Variants in LAMB4 observed in about 807,000 individuals in gnomAD.
LAMB4 encodes laminin subunit beta 4, also known as laminin subunit beta-4.
LAMB4 carries 196 observed loss-of-function variants against 199.2 expected under a neutral mutation model. That is an observed-to-expected ratio of 0.98 (90% CI 0.88 to 1.11). The LOEUF (loss-of-function observed/expected upper bound fraction) is 1.11. LAMB4 is among the 50% of genes least tolerant of loss of function. The pLI is 0.00. For missense variants in LAMB4, 2,080 were observed against 2,171.2 expected (o/e 0.96, Z 0.83); for synonymous variants, 744 against 770.6 (o/e 0.97, Z 0.57).
chr7:108,063,922 C>A lies in LAMB4; in HGVS notation c.2900G>T (p.Cys967Phe). 2 of 1,614,130 alleles carry A rather than the reference C, an allele frequency of 1.2e-6. No homozygotes were observed. Among genetic ancestry groups the A allele is most frequent in the Non-Finnish European group, 1.7e-6 (2 of 1,180,024 alleles). ...GTTGTTGTTGCAGGCACATGGTTGG[C>A]AAGGTGCTCCTGAAATTCTTGGATT... ...YGNPRISGAP[C>F]QPCACNNNID... is the part of the protein sequence containing the mutation. Residue 967 changes from cysteine to phenylalanine, a missense_variant, in exon 22 of 34, where the codon TGC becomes TTC. Physicochemically the swap from Cys to Phe is radical, Grantham distance 205. Transcript: ENST00000388781.
At chr7:108,060,547 A>G (rs2036126545) in intron 23 of LAMB4, among the ~76,000 whole-genome samples, 1 of 152,240 alleles carries the variant, frequency 6.6e-6, no homozygotes, top group Non-Finnish European at 1.5e-5. Flanking sequence ...ACTGGGGCAG[A>G]GAATACATAA....
At chr7:108,113,673 C>T (rs375617430) in intron 3 of LAMB4, among the ~76,000 whole-genome samples, 2 of 152,202 alleles carry the variant, frequency 1.3e-5, no homozygotes, top group East Asian at 3.9e-4. Context: ...GGCTTGTGGA[C>T]CATTTTTTGG....
At position 108,098,548 on chromosome 7, in the gene LAMB4, A is replaced by C. The variant is rs758037467; in HGVS notation, c.1215T>G (p.Gly405=). 4.3e-6 allele frequency: 7 copies of C among 1,612,608 alleles called. No homozygotes were observed. The Admixed American group carries it at 1.2e-4, about 27-fold the overall frequency. The part of the protein sequence containing the change: ...CECDPDGTIS[G]GICVSHSDPA... ...GATCAGAGTGGCTCACACAAATGCC[A>C]CCAGATATGGTCCCATCGGGGTCAC... The change falls in exon 11 of 34, where the codon GGT becomes GGG. Residue 405 remains glycine, a synonymous_variant. Coordinates refer to ENST00000388781, the MANE Select transcript of LAMB4 (RefSeq NM_007356.3).
In LAMB4 at chr7:108,109,257, C is replaced by A; in HGVS notation, c.329-13G>T. ...ACATGATCAAGACCTAAGGAAGAAT[C>A]CAGAAAGAAGAAAATCAGTGATTTT... On this transcript the variant is annotated splice_polypyrimidine_tract_variant and intron_variant, in intron 4 of 33. Coordinates refer to ENST00000388781, the MANE Select transcript of LAMB4 (RefSeq NM_007356.3). The A allele has an allele frequency of 6.3e-7, 1 of 1,597,590 alleles. No individual in the cohort carries two copies. Among genetic ancestry groups the A allele is most frequent in the Non-Finnish European group, 8.6e-7 (1 of 1,166,682 alleles).
intron 1 of LAMB4, among the ~76,000 whole-genome samples, chr7:108,129,670 T>C (rs542433816): frequency 6.6e-6 from 1 of 152,136 alleles, no homozygotes; most frequent in South Asian, 2.1e-4. Flanking sequence ...CCTGAGTAGC[T>C]GGGATTACAG....
At chr7:108,069,443 A>C (rs892318321) in intron 18 of LAMB4, among the ~76,000 whole-genome samples, 1 of 152,216 alleles carries the variant, frequency 6.6e-6, no homozygotes, top group African/African-American at 2.4e-5. Flanking sequence ...AGTTCCTTCC[A>C]GCCCTAGAAT....
chr7:108,066,311 A>C, intron 20 of LAMB4, 58 bp downstream of exon 20: 14 of 1,233,490 alleles, frequency 1.1e-5, no homozygotes, highest in Non-Finnish European at 1.4e-5. Context: ...GATCTCTATT[A>C]GGAGATTGGA....
intron 14 of LAMB4, among the ~76,000 whole-genome samples, chr7:108,081,959 T>G (rs2036959865): frequency 6.6e-6 from 1 of 152,198 alleles, no homozygotes; most frequent in East Asian, 1.9e-4. Context: ...CTTGGGGGCA[T>G]GTTTAAAGAG....
intron 14 of LAMB4, among the ~76,000 whole-genome samples, chr7:108,089,471 G>T (rs1040804651): frequency 6.6e-6 from 1 of 152,160 alleles, no homozygotes; most frequent in African/African-American, 2.4e-5. Flanking sequence ...TCATGGCTTA[G>T]AAATCCTAAT....
intron 12 of LAMB4, among the ~76,000 whole-genome samples, chr7:108,093,383 A>G (rs561478125): frequency 6.6e-6 from 1 of 152,360 alleles, no homozygotes; most frequent in Admixed American, 6.5e-5. Context: ...GCTTTTAAAA[A>G]AACTGATAGG....
At chr7:108,070,512 C>T (rs181765908) in intron 17 of LAMB4, among the ~76,000 whole-genome samples, 4 of 152,344 alleles carry the variant, frequency 2.6e-5, no homozygotes, top group Admixed American at 2.0e-4. Context: ...TCTTCCTCCT[C>T]CTCCTCAGCC....
the LAMB4 span, among the ~76,000 whole-genome samples, chr7:108,017,732 A>G: frequency 6.6e-6 from 1 of 152,234 alleles, no homozygotes; most frequent in Admixed American, 6.5e-5. Flanking sequence ...ACAATTTTAA[A>G]GTAGGCAGGA....
intron 14 of LAMB4, among the ~76,000 whole-genome samples, chr7:108,090,004 C>T (rs1027266527): frequency 6.6e-6 from 1 of 152,138 alleles, no homozygotes; most frequent in Non-Finnish European, 1.5e-5. Context: ...GGGTTTCAAT[C>T]CAGTCTCCCC....
intron 3 of LAMB4, among the ~76,000 whole-genome samples, chr7:108,115,169 C>G (rs1160136996): frequency 2.0e-5 from 3 of 152,132 alleles, no homozygotes; most frequent in African/African-American, 7.2e-5. Context: ...TATAGCAATT[C>G]CTTACAAAGA....
intron 29 of LAMB4, among the ~76,000 whole-genome samples, 192 bp downstream of exon 29, chr7:108,043,560 T>G (rs2035503137): frequency 1.8e-4 from 4 of 21,792 alleles, no homozygotes; most frequent in South Asian, 2.4e-3. Context: ...TTTTTTTTTT[T>G]TTTTTTTTTT....
At position 108,029,131 on chromosome 7, in the gene LAMB4, T is replaced by C; in HGVS notation, c.5058A>G (p.Thr1686=). 1 of 1,614,102 alleles carries C rather than the reference T, an allele frequency of 6.2e-7. No individual in the cohort carries two copies. The part of the protein sequence containing the change: ...LQRKTSTTGL[T]KETLGKVKQL... ...GTTTAACTTTTCCTAATGTCTCCTT[T>C]GTTAGTCCTGTAGTGCTTGTCTTAC... The change falls in exon 33 of 34, where the codon ACA becomes ACG. Residue 1686 remains threonine (T), a synonymous_variant. Transcript: ENST00000388781.
At chr7:108,091,248 T>C (rs542647909) in intron 14 of LAMB4, among the ~76,000 whole-genome samples, 1 of 152,342 alleles carries the variant, frequency 6.6e-6, no homozygotes, top group East Asian at 1.9e-4. Context: ...TGATGAATGC[T>C]ATACACATCC....
chr7:108,088,522 G>A (rs2037276144), intron 14 of LAMB4, among the ~76,000 whole-genome samples: 1 of 152,086 alleles, frequency 6.6e-6, no homozygotes, highest in African/African-American at 2.4e-5. Flanking sequence ...ATTATACCAC[G>A]GACCAAGAAG....
Position 108,049,504 on chromosome 7 carries a change from T to G in LAMB4, c.3944A>C (p.Tyr1315Ser). Residue 1315 changes from tyrosine (Y) to serine (S), a missense_variant, in exon 27 of 34, where the codon TAT becomes TCT. Physicochemically the swap from Tyr to Ser is moderately radical, Grantham distance 144. Transcript: ENST00000388781. ...CTTTTCAGCAGATGATGATATGTGA[T>G]AATATTTCTTGATGTTTTCTGAGGA... ...ADSSENIKKY[Y>S]HISSSAEKKI... The G allele has an allele frequency of 6.2e-7, 1 of 1,605,358 alleles. No individual in the cohort carries two copies. Among genetic ancestry groups the G allele is most frequent in the Non-Finnish European group, 8.5e-7 (1 of 1,174,006 alleles).
Sources: allele counts gnomAD v4.1 joint callset (sites outside exome capture counted in the v4.1 genomes callset), GRCh38; gene constraint gnomAD v4.1.1; transcripts MANE v1.5; gene names NCBI Gene and HGNC (gene_info 2026-07-23, HGNC 2026-07-21).